RYR1: variants seen among roughly 807,000 people sequenced by gnomAD.
The protein encoded by RYR1 is central core disease of muscle.
RYR1 carries 342 observed loss-of-function variants against 583.5 expected under a neutral mutation model. The observed-to-expected ratio is 0.59, with a 90% CI of 0.54 to 0.64. RYR1 has a LOEUF of 0.64. RYR1 is among the 30% of genes least tolerant of loss of function. RYR1 has a pLI of 0.00. For missense variants in RYR1, 6,032 were observed against 6,917.2 expected, an observed-to-expected ratio of 0.87 and a Z score of 4.54; for synonymous variants, 2,791 against 2,822.5, an observed-to-expected ratio of 0.99 and a Z score of 0.35.
At chr19:38,531,847 G>T (rs1232118647) in intron 76 of RYR1, among the ~76,000 whole-genome samples, 1 of 152,140 alleles carries the variant, frequency 6.6e-6, no homozygotes, top group Non-Finnish European at 1.5e-5. Flanking sequence ...TGAGGCTGCA[G>T]TAAGCCTTGA....
At position 38,500,253 on chromosome 19, in the gene RYR1, C is replaced by A. The variant is rs1240093406; in HGVS notation, c.7323+237C>A. On this transcript the variant is annotated intron_variant, in intron 45 of 105. Coordinates refer to ENST00000359596, the MANE Select transcript of RYR1 (RefSeq NM_000540.3). The surrounding 1 kb of genome is among the most constrained non-coding windows in gnomAD (Gnocchi z 5.9). The stretch of plus-strand genomic sequence containing the variant: ...AGTGGTCAGGGCTGGGATGGGGGAG[C>A]ACAGGAAGAGGGGTCGGGGCTGGGA... 6.7e-6 allele frequency among the ~76,000 whole-genome samples: 1 copy of A among 149,998 alleles called. No individual in the cohort carries two copies. The highest frequency in any genetic ancestry group is 2.5e-5 in the African/African-American group (1 of 40,518).
Position 38,506,480 on chromosome 19 carries a change from G to A in RYR1, c.8626G>A (p.Glu2876Lys). 1 of 1,614,104 alleles carries A rather than the reference G, an allele frequency of 6.2e-7. No individual in the cohort carries two copies. Among genetic ancestry groups the A allele is most frequent in the Non-Finnish European group, 8.5e-7 (1 of 1,180,022 alleles). The change falls in exon 56 of 106, where the codon GAA becomes AAA. Residue 2876 changes from glutamate (E) to lysine (K), a missense_variant. Physicochemically the swap from Glu to Lys is moderately conservative, Grantham distance 56. This residue lies in a region of RYR1 where 1,493 missense variants were observed against 1,715.5 expected (regional missense o/e 0.87). Transcript: ENST00000359596. The stretch of plus-strand genomic sequence containing the variant: ...CTGCATCCACTCCCAGGCCATGGCA[G>A]AACAACTGGCAGAAAATTACCACAA... The part of the protein sequence containing the change: ...TLSRELQAMA[E>K]QLAENYHNTW...
At chr19:38,457,746 A>T in intron 17 of RYR1, 116 bp downstream of exon 17, 1 of 1,080,352 alleles carries the variant, frequency 9.3e-7, no homozygotes, top group Non-Finnish European at 1.4e-6. Context: ...AGGGTTAACA[A>T]CCAGTCCTCA....
chr19:38,570,454 AAAT>A (rs1011441338), intron 93 of RYR1, among the ~76,000 whole-genome samples, 150 bp from the exon 94 acceptor site: 10 of 152,166 alleles, frequency 6.6e-5, no homozygotes, highest in African/African-American at 1.4e-4. Context: ...TCTGTCTCAA[AAAT>A]AATAATAATA....
At chr19:38,449,153 G>C (rs754345613) in intron 11 of RYR1, among the ~76,000 whole-genome samples, 8 of 152,078 alleles carry the variant, frequency 5.3e-5, no homozygotes, top group Non-Finnish European at 1.0e-4. Context: ...AATAGAGAAA[G>C]ATAGAGACAG....
chr19:38,518,680 G>C (rs537366108), intron 66 of RYR1, among the ~76,000 whole-genome samples: 1 of 152,292 alleles, frequency 6.6e-6, no homozygotes, highest in African/African-American at 2.4e-5. Flanking sequence ...TGTAATCCCA[G>C]CACTATGGGA....
At chr19:38,525,753 C>T (rs924428254) in intron 71 of RYR1, among the ~76,000 whole-genome samples, 4 of 151,962 alleles carry the variant, frequency 2.6e-5, no homozygotes, top group African/African-American at 9.7e-5. Context: ...CCTAGAAAAG[C>T]TCTAGGACCC....
intron 93 of RYR1, among the ~76,000 whole-genome samples, chr19:38,570,341 A>T (rs1170959449): frequency 6.7e-6 from 1 of 148,504 alleles, no homozygotes; most frequent in Non-Finnish European, 1.5e-5. Flanking sequence ...AGTCCCAGCT[A>T]CTCGGGAGGC....
intron 67 of RYR1, 74 bp from the exon 68 acceptor site, chr19:38,522,954 C>A: frequency 1.6e-6 from 2 of 1,227,454 alleles, no homozygotes. Flanking sequence ...TCTCCTCCTC[C>A]AAGATCTCTC....
At chr19:38,514,614 A>G (rs12461783) in intron 63 of RYR1, among the ~76,000 whole-genome samples, 1,822 of 150,726 alleles carry the variant, frequency 0.012, 35 homozygotes, top group East Asian at 0.069. Flanking sequence ...AATGAAAAAG[A>G]TAGCCTAAAA....
At chr19:38,455,196 G>GGTCTCCT (rs750262401) in intron 13 of RYR1, 39 bp from the exon 14 acceptor site, 3 of 1,611,252 alleles carry the variant, frequency 1.9e-6, no homozygotes, top group Non-Finnish European at 2.5e-6. Flanking sequence ...GGAGGGCCTG[G>GGTCTCCT]GTCTCCTATT....
At chr19:38,486,475 C>T (rs945336197) in intron 34 of RYR1, among the ~76,000 whole-genome samples, 13 of 152,192 alleles carry the variant, frequency 8.5e-5, no homozygotes, top group African/African-American at 2.7e-4. Flanking sequence ...CCCCGAGTAG[C>T]GGGGACTACA....
intron 72 of RYR1, 104 bp downstream of exon 72, chr19:38,527,156 T>C: frequency 7.6e-7 from 1 of 1,322,628 alleles, no homozygotes; most frequent in Middle Eastern, 1.8e-4. Flanking sequence ...AAGAAAGACC[T>C]CAAAGGTCAG....
chr19:38,504,346 T>A lies in RYR1; in HGVS notation c.8053T>A (p.Ser2685Thr). The stretch of plus-strand genomic sequence containing the variant: ...GAAACTCTTCTGGGGCATCTTTGAC[T>A]CTCTGGCCCATAAGGTCTGGGCAGC... The part of the protein sequence containing the change: ...TRKLFWGIFD[S>T]LAHKKYDPEL... The change falls in exon 50 of 106, where the codon TCT (serine) becomes ACT (threonine). Residue 2685 changes from serine (S) to threonine (T), a missense_variant. Physicochemically the swap from Ser to Thr is moderately conservative, Grantham distance 58. Coordinates refer to ENST00000359596, the MANE Select transcript of RYR1 (RefSeq NM_000540.3). 6.2e-7 allele frequency: 1 copy of A among 1,614,104 alleles called. No homozygotes were observed. Among genetic ancestry groups the A allele is most frequent in the Non-Finnish European group, 8.5e-7 (1 of 1,180,012 alleles).
chr19:38,527,522 T>TGAA, intron 72 of RYR1, 125 bp from the exon 73 acceptor site: 3 of 1,284,066 alleles, frequency 2.3e-6, no homozygotes, highest in South Asian at 1.3e-5. Flanking sequence ...AACAAAAAGA[T>TGAA]GAAGAAGAAG....
chr19:38,508,363 C>T (rs1018841005), intron 58 of RYR1, among the ~76,000 whole-genome samples: 26 of 152,074 alleles, frequency 1.7e-4, no homozygotes, highest in Admixed American at 8.5e-4. Context: ...GCACGGGCGC[C>T]GCCACACCCA....
intron 71 of RYR1, 90 bp from the exon 72 acceptor site, chr19:38,526,903 C>T (rs977796807): frequency 1.4e-6 from 2 of 1,408,030 alleles, no homozygotes; most frequent in Admixed American, 1.7e-5. Context: ...CTCTTCAGTT[C>T]CTGGGGTGCT....
chr19:38,581,328 G>T (rs1197172519), intron 101 of RYR1, among the ~76,000 whole-genome samples: 1 of 151,972 alleles, frequency 6.6e-6, no homozygotes, highest in Non-Finnish European at 1.5e-5. Context: ...CCGCCCGCCT[G>T]GGCCTCCCAA....
intron 29 of RYR1, 101 bp from the exon 30 acceptor site, chr19:38,477,609 C>T (rs1968798821): frequency 4.1e-6 from 6 of 1,468,802 alleles, no homozygotes; most frequent in Admixed American, 1.7e-5. Context: ...CTGTTAAACT[C>T]CCAGAGGACC....
Sources: allele counts gnomAD v4.1 joint callset (sites outside exome capture counted in the v4.1 genomes callset), GRCh38; gene constraint gnomAD v4.1.1; regional missense constraint gnomAD v4.1.1; non-coding constraint Gnocchi (gnomAD v3.1); transcripts MANE v1.5; gene names NCBI Gene and HGNC (gene_info 2026-07-23, HGNC 2026-07-21).